The following GTF2A1 variants were observed in gnomAD, a reference collection of about 807,000 sequenced individuals.
The protein encoded by GTF2A1 is transcription initiation factor IIA subunit 1.
Under a neutral mutation model 54.1 loss-of-function variants are expected in GTF2A1, and 12 were observed. The ratio of observed to expected loss-of-function variants is 0.22; its 90% CI spans 0.14 to 0.36. GTF2A1 has a LOEUF of 0.36. Ranked by LOEUF, GTF2A1 falls within the 10% of genes least tolerant of loss-of-function variation. The pLI, the probability that GTF2A1 is intolerant of heterozygous loss-of-function variation, is 1.00. For missense variants in GTF2A1, 335 were observed against 442.2 expected (o/e 0.76, Z 2.17); for synonymous variants, 145 against 152.0 (o/e 0.95, Z 0.34).
At chr14:81,180,462 T>C (rs992315387) in intron 8 of GTF2A1, 132 bp from the exon 9 acceptor site, 8 of 525,286 alleles carry the variant, frequency 1.5e-5, no homozygotes, top group African/African-American at 8.0e-5. Context: ...GTATTGTATT[T>C]GCAAATTGGT....
chr14:81,188,820 C>G (rs962289617), intron 7 of GTF2A1, among the ~76,000 whole-genome samples: 1 of 151,846 alleles, frequency 6.6e-6, no homozygotes, highest in Non-Finnish European at 1.5e-5. Flanking sequence ...TGGAGATTTA[C>G]CCCTATGTTT....
At chr14:81,199,737 G>T (rs1162145029) in intron 4 of GTF2A1, among the ~76,000 whole-genome samples, 2 of 151,832 alleles carry the variant, frequency 1.3e-5, no homozygotes, top group Non-Finnish European at 2.9e-5. Context: ...TAGAATAAAG[G>T]AGACTTAACC....
chr14:81,216,618 CTATA>C, intron 1 of GTF2A1, 104 bp from the exon 2 acceptor site: 1 of 581,128 alleles, frequency 1.7e-6, no homozygotes, highest in East Asian at 3.0e-5. Flanking sequence ...TGCCAACTAT[CTATA>C]TATGACTTTA....
chr14:81,206,135 C>T (rs915914403), intron 2 of GTF2A1, among the ~76,000 whole-genome samples: 2 of 152,314 alleles, frequency 1.3e-5, no homozygotes, highest in East Asian at 3.9e-4. Context: ...ACAGCAATCT[C>T]GACCCATCAC....
At chr14:81,197,337 G>A (rs1893013281) in intron 5 of GTF2A1, 72 bp downstream of exon 5, 9 of 748,554 alleles carry the variant, frequency 1.2e-5, no homozygotes, top group African/African-American at 7.2e-5. Flanking sequence ...TTTCAAAGAA[G>A]ACAAAACCTA....
intron 1 of GTF2A1, among the ~76,000 whole-genome samples, chr14:81,218,533 A>C (rs2140046064): frequency 6.6e-6 from 1 of 152,328 alleles, no homozygotes; most frequent in East Asian, 1.9e-4. Context: ...GCAATTTCTA[A>C]ATTATTGCTT....
At chr14:81,194,811 T>G (rs912103762) in intron 6 of GTF2A1, among the ~76,000 whole-genome samples, 2 of 152,210 alleles carry the variant, frequency 1.3e-5, no homozygotes, top group African/African-American at 2.4e-5. Context: ...TAGGCTCTTC[T>G]CAGTAGGCAA....
At chr14:81,205,568 G>A (rs1893211136) in intron 2 of GTF2A1, among the ~76,000 whole-genome samples, 1 of 152,160 alleles carries the variant, frequency 6.6e-6, no homozygotes, top group East Asian at 1.9e-4. Context: ...TATTATTGGT[G>A]GCAGTGGTGG....
chr14:81,187,287 G>A (rs1031148128), intron 7 of GTF2A1, among the ~76,000 whole-genome samples: 4 of 151,692 alleles, frequency 2.6e-5, no homozygotes, highest in Non-Finnish European at 4.4e-5. Context: ...CCCAGAAGGC[G>A]GAGCCTGCAG....
At chr14:81,194,957 T>C (rs1395470022) in intron 6 of GTF2A1, among the ~76,000 whole-genome samples, 1 of 151,768 alleles carries the variant, frequency 6.6e-6, no homozygotes, top group Non-Finnish European at 1.5e-5. Context: ...AACCTAGACA[T>C]GGTGAAACTC....
intron 7 of GTF2A1, among the ~76,000 whole-genome samples, chr14:81,191,959 A>G (rs894192381): frequency 9.9e-5 from 15 of 152,224 alleles, no homozygotes; most frequent in Non-Finnish European, 1.5e-4. Context: ...TAGTTTTTGG[A>G]GCCTAGTAAC....
chr14:81,193,379 C>G (rs1892918971), intron 6 of GTF2A1, among the ~76,000 whole-genome samples: 1 of 152,072 alleles, frequency 6.6e-6, no homozygotes, highest in Non-Finnish European at 1.5e-5. Context: ...GTTGGTCAGG[C>G]TGGTCTCGAA....
intron 1 of GTF2A1, among the ~76,000 whole-genome samples, chr14:81,218,351 C>T (rs1294791675): frequency 6.6e-6 from 1 of 152,194 alleles, no homozygotes; most frequent in Non-Finnish European, 1.5e-5. Context: ...AATGAACTCA[C>T]AACTTGACCA....
At chr14:81,188,776 CG>C (rs748075624) in intron 7 of GTF2A1, among the ~76,000 whole-genome samples, 9 of 12,422 alleles carry the variant, frequency 7.2e-4, no homozygotes, top group South Asian at 2.6e-3. Flanking sequence ...GACTCTGTCT[CG>C]AAAAAAAAAA....
At chr14:81,189,959 T>A (rs960188492) in intron 7 of GTF2A1, among the ~76,000 whole-genome samples, 1 of 151,638 alleles carries the variant, frequency 6.6e-6, no homozygotes, top group Non-Finnish European at 1.5e-5. Flanking sequence ...AAGTTTACTC[T>A]TTGAAAACAT....
chr14:81,198,229 G>C (rs1254670629), intron 4 of GTF2A1, among the ~76,000 whole-genome samples: 1 of 152,176 alleles, frequency 6.6e-6, no homozygotes, highest in Non-Finnish European at 1.5e-5. Context: ...CAGATCGCTT[G>C]AGCTCAGGAG....
intron 2 of GTF2A1, among the ~76,000 whole-genome samples, chr14:81,211,534 C>G (rs1015773981): frequency 6.6e-6 from 1 of 152,142 alleles, no homozygotes; most frequent in African/African-American, 2.4e-5. Context: ...AGACCTACTG[C>G]TCCCCAAGTT....
chr14:81,193,901 C>CA (rs200963934), intron 6 of GTF2A1, among the ~76,000 whole-genome samples: 2,159 of 151,828 alleles, frequency 0.014, 28 homozygotes, highest in Non-Finnish European at 0.024. Flanking sequence ...ACACAAAAGA[C>CA]AAAAAAATGG....
chr14:81,180,681 G>C (rs921658510), intron 8 of GTF2A1, among the ~76,000 whole-genome samples: 2 of 152,072 alleles, frequency 1.3e-5, no homozygotes. Flanking sequence ...CTCACTAGGT[G>C]GGTCTAAAAA....
Sources: gnomAD v4.1 joint callset for allele counts (sites outside exome capture counted in the v4.1 genomes callset) on GRCh38, gnomAD v4.1.1 for gene constraint, MANE v1.5 for transcripts, NCBI Gene and HGNC (gene_info 2026-07-23, HGNC 2026-07-21) for gene names.